The following WWOX variants were observed in gnomAD, a reference collection of about 807,000 sequenced individuals.
WWOX encodes the protein WW domain containing oxidoreductase.
WWOX carries 69 observed loss-of-function variants against 46.2 expected under a neutral mutation model. The ratio of observed to expected loss-of-function variants is 1.49; its 90% confidence interval spans 1.23 to 1.82. The LOEUF is 1.82. WWOX is among the 40% of genes most tolerant of loss of function. The pLI is 0.00. For synonymous variants in WWOX, 359 were observed against 202.6 expected (o/e 1.77, Z -6.56); for missense variants, 919 against 542.6 (o/e 1.69, Z -6.89).
At chr16:78,099,918 C>T (rs750494342) in intron 1 of WWOX, 33 bp downstream of exon 1, 8 of 1,548,946 alleles carry the variant, frequency 5.2e-6, no homozygotes, top group Middle Eastern at 1.9e-4. Flanking sequence ...GCGGACGCAC[C>T]TGGGACCCTG....
chr16:78,948,732 C>T (rs2045998142), intron 8 of WWOX, among the ~76,000 whole-genome samples: 1 of 152,144 alleles, frequency 6.6e-6, no homozygotes, highest in Non-Finnish European at 1.5e-5. Flanking sequence ...TCGACATCTC[C>T]TCTGTTGGCA....
intron 6 of WWOX, among the ~76,000 whole-genome samples, chr16:78,387,435 A>T (rs571130873): frequency 1.3e-5 from 2 of 151,264 alleles, no homozygotes; most frequent in Non-Finnish European, 3.0e-5. Flanking sequence ...ATGGACTCAC[A>T]TTCCTTTTAT....
chr16:78,933,567 C>G (rs11866965), intron 8 of WWOX, among the ~76,000 whole-genome samples: 1 of 152,132 alleles, frequency 6.6e-6, no homozygotes, highest in Non-Finnish European at 1.5e-5. Flanking sequence ...CATGAATTAG[C>G]CCATTTTCAT....
chr16:79,146,863 C>T (rs1403451494), intron 8 of WWOX, among the ~76,000 whole-genome samples: 1 of 152,158 alleles, frequency 6.6e-6, no homozygotes, highest in East Asian at 1.9e-4. Flanking sequence ...AGGTTGGAGG[C>T]ACCTTCGCTT....
intron 5 of WWOX, among the ~76,000 whole-genome samples, chr16:78,165,390 C>T (rs1012929112): frequency 6.6e-6 from 1 of 152,204 alleles, no homozygotes; most frequent in East Asian, 1.9e-4. Context: ...AGTCAAAAAA[C>T]ACAGATCTTA....
intron 8 of WWOX, among the ~76,000 whole-genome samples, chr16:78,518,529 T>C (rs2043285398): frequency 6.6e-6 from 1 of 152,138 alleles, no homozygotes; most frequent in Non-Finnish European, 1.5e-5. Flanking sequence ...CCCATAAATG[T>C]TATCTTTATA....
At chr16:78,371,912 A>G (rs920736651) in intron 5 of WWOX, among the ~76,000 whole-genome samples, 1 of 152,206 alleles carries the variant, frequency 6.6e-6, no homozygotes, top group East Asian at 1.9e-4. Flanking sequence ...ATAGCTTAAC[A>G]CAATGGTAAT....
At chr16:79,135,951 A>G (rs993056852) in intron 8 of WWOX, among the ~76,000 whole-genome samples, 6 of 152,170 alleles carry the variant, frequency 3.9e-5, no homozygotes, top group African/African-American at 1.4e-4. Flanking sequence ...TAAGGAAACC[A>G]TCACCACCTT....
intron 8 of WWOX, among the ~76,000 whole-genome samples, chr16:79,060,164 G>A (rs376367092): frequency 2.3e-3 from 353 of 152,284 alleles, no homozygotes; most frequent in Non-Finnish European, 4.1e-3. Context: ...GGGGTGGGGA[G>A]GAGAACATAA....
At chr16:78,252,557 G>A (rs547749205) in intron 5 of WWOX, among the ~76,000 whole-genome samples, 9 of 152,270 alleles carry the variant, frequency 5.9e-5, no homozygotes, top group East Asian at 1.9e-4. Context: ...GACTATGCCC[G>A]TTAGGCATTT....
At chr16:78,904,081 T>C (rs1248491430) in intron 8 of WWOX, among the ~76,000 whole-genome samples, 3 of 152,152 alleles carry the variant, frequency 2.0e-5, no homozygotes, top group Non-Finnish European at 4.4e-5. Context: ...ACAAAAGGGA[T>C]CAGGGTCCAC....
At chr16:79,143,282 C>A (rs1339604221) in intron 8 of WWOX, among the ~76,000 whole-genome samples, 1 of 152,178 alleles carries the variant, frequency 6.6e-6, no homozygotes, top group Admixed American at 6.5e-5. Context: ...GTTCCCAAAT[C>A]TGTCAGTATA....
intron 8 of WWOX, among the ~76,000 whole-genome samples, chr16:78,626,787 CATTT>C (rs957405004): frequency 5.9e-5 from 9 of 152,104 alleles, no homozygotes; most frequent in Admixed American, 2.0e-4. Context: ...TCTTCTCCCC[CATTT>C]ATTTATTTAA....
Position 78,847,171 on chromosome 16 carries a change from A to G in WWOX, c.1057-364437A>G, listed in dbSNP as rs202227899. Among the ~76,000 whole-genome samples the G allele has an allele frequency of 1.1e-4, 17 of 152,276 alleles. No individual in the cohort carries two copies. The East Asian group carries it at 3.3e-3, about 29-fold the overall frequency. On this transcript the variant is annotated intron_variant, in intron 8 of 8. Coordinates refer to ENST00000566780, the MANE Select transcript of WWOX (RefSeq NM_016373.4). ...CCATGGAGGCTTGGTTCGTTTTATT[A>G]TAGAATCATATTTAGAACTAAGATC...
chr16:78,117,772 A>C (rs990057785), intron 4 of WWOX, among the ~76,000 whole-genome samples: 5 of 152,294 alleles, frequency 3.3e-5, no homozygotes, highest in Admixed American at 1.3e-4. Context: ...CTTCTGGGGC[A>C]TTCAGGAGTC....
chr16:78,669,770 A>G (rs1240600941), intron 8 of WWOX, among the ~76,000 whole-genome samples: 3 of 152,206 alleles, frequency 2.0e-5, no homozygotes, highest in Admixed American at 2.0e-4. Flanking sequence ...GCATCCATGC[A>G]TCCCACATGG....
chr16:78,659,479 A>C (rs913955571), intron 8 of WWOX, among the ~76,000 whole-genome samples: 1 of 152,106 alleles, frequency 6.6e-6, no homozygotes, highest in African/African-American at 2.4e-5. Context: ...ATCTAGTTTT[A>C]GCCCTCCAGG....
intron 8 of WWOX, among the ~76,000 whole-genome samples, chr16:79,040,961 G>T (rs559008062): frequency 6.6e-6 from 1 of 152,064 alleles, no homozygotes; most frequent in Non-Finnish European, 1.5e-5. Context: ...GCTGTGGGGG[G>T]ACAATGAGGT....
intron 8 of WWOX, among the ~76,000 whole-genome samples, chr16:78,929,980 A>C (rs550332049): frequency 1.3e-5 from 2 of 152,254 alleles, no homozygotes; most frequent in East Asian, 3.9e-4. Context: ...GCTCTCTGTG[A>C]CCGTGTGACC....
Sources: gnomAD v4.1 joint callset for allele counts (sites outside exome capture counted in the v4.1 genomes callset) on GRCh38, gnomAD v4.1.1 for gene constraint, MANE v1.5 for transcripts, NCBI Gene and HGNC (gene_info 2026-07-23, HGNC 2026-07-21) for gene names.